The following ARHGEF3 variants were observed in gnomAD, a reference collection of about 807,000 sequenced individuals.
The protein encoded by ARHGEF3 is 59.8 kDA protein.
A neutral mutation model predicts 63.2 loss-of-function variants in ARHGEF3; 28 were observed. The observed-to-expected ratio is 0.44, with a 90% CI of 0.33 to 0.61. The LOEUF (loss-of-function observed/expected upper bound fraction) is 0.61, where lower values mean the gene tolerates loss of function less well. Among genes scored for constraint, ARHGEF3 ranks in the 20% least tolerant of loss-of-function variants. The pLI is 0.03. For missense variants in ARHGEF3, 533 were observed against 659.3 expected (o/e 0.81, Z 2.10); for synonymous variants, 266 against 254.2 (o/e 1.05, Z -0.44).
intron 2 of ARHGEF3, among the ~76,000 whole-genome samples, chr3:56,989,004 A>G (rs1701644142): frequency 6.6e-6 from 1 of 152,124 alleles, no homozygotes; most frequent in South Asian, 2.1e-4. Context: ...GCTGGAAGAC[A>G]ATTTTTTCCA....
chr3:56,777,438 G>A (rs1216065420), intron 1 of ARHGEF3, among the ~76,000 whole-genome samples: 1 of 152,166 alleles, frequency 6.6e-6, no homozygotes, highest in Admixed American at 6.5e-5. Context: ...AAAACACTAT[G>A]CAATTTTATT....
intron 1 of ARHGEF3, among the ~76,000 whole-genome samples, chr3:57,068,331 G>A (rs541926903): frequency 2.0e-5 from 3 of 152,018 alleles, no homozygotes; most frequent in Non-Finnish European, 2.9e-5. Context: ...AAGGTAATAC[G>A]TTCATTTTCT....
intron 3 of ARHGEF3, among the ~76,000 whole-genome samples, chr3:56,921,074 A>G (rs2042124307): frequency 6.6e-6 from 1 of 150,564 alleles, no homozygotes; most frequent in Non-Finnish European, 1.5e-5. Flanking sequence ...AAAAAAAAAA[A>G]AAACTCATGG....
chr3:56,952,950 G>A (rs1699878062), intron 3 of ARHGEF3, among the ~76,000 whole-genome samples: 1 of 152,150 alleles, frequency 6.6e-6, no homozygotes, highest in African/African-American at 2.4e-5. Context: ...CTAACGGCCT[G>A]GGAACAGAAA....
chr3:57,002,485 ATATATATATATGT>A (rs1368482345), intron 2 of ARHGEF3, among the ~76,000 whole-genome samples: 1,328 of 45,020 alleles, frequency 0.029, 131 homozygotes, highest in East Asian at 0.15. Context: ...TATGTTATAT[ATATATATATATGT>A]TATATATATA....
In ARHGEF3 at chr3:57,002,718, A is replaced by G. The variant is rs1173497825; in HGVS notation, c.62+32370T>C. Among the ~76,000 whole-genome samples, 5 of 148,440 alleles carry G rather than the reference A, an allele frequency of 3.4e-5. No individual in the cohort carries two copies. The East Asian group carries it at 9.9e-4, about 29-fold the overall frequency. ...GGAATTAAGCCTAGTACCTATTGCT[A>G]TTTAGCACTTCATATATTATTTCAA... On this transcript the variant is annotated intron_variant, in intron 2 of 12. Coordinates refer to the ARHGEF3 transcript ENST00000338458.
intron 3 of ARHGEF3, among the ~76,000 whole-genome samples, chr3:56,922,581 C>T (rs553300159): frequency 2.6e-5 from 4 of 152,030 alleles, no homozygotes; most frequent in Non-Finnish European, 2.9e-5. Flanking sequence ...CTTGACACAC[C>T]GAATTTCCAA....
chr3:57,033,407 T>C (rs1217869934), intron 2 of ARHGEF3, among the ~76,000 whole-genome samples: 110 of 143,790 alleles, frequency 7.7e-4, no homozygotes, highest in Non-Finnish European at 2.5e-4. Flanking sequence ...ACTATTCACT[T>C]GGCTGCAGTA....
intron 1 of ARHGEF3, chr3:57,074,639 T>C (rs1706125705): frequency 4.7e-6 from 1 of 213,318 alleles, no homozygotes; most frequent in African/African-American, 2.3e-5. Flanking sequence ...TTCATCTCTT[T>C]ATTGTTTCTA....
chr3:56,945,521 T>G (rs1299195140), intron 3 of ARHGEF3, among the ~76,000 whole-genome samples: 1 of 152,068 alleles, frequency 6.6e-6, no homozygotes, highest in Non-Finnish European at 1.5e-5. Context: ...CGCTCATTGC[T>G]AGCACAGCAG....
Position 56,874,298 on chromosome 3 carries a change from T to C in ARHGEF3, c.192+7994A>G, listed in dbSNP as rs960395950. On this transcript the variant is annotated intron_variant, in intron 4 of 12. Transcript: ENST00000338458. ...TAAGCATGTGTTAATGAAGACCCAA[T>C]CTCAGCTAGAGGCCTGGTCTCCTCG... 3.3e-5 allele frequency among the ~76,000 whole-genome samples: 5 copies of C among 152,092 alleles called. No homozygotes were observed. The East Asian group carries it at 9.6e-4, about 29-fold the overall frequency.
chr3:56,975,816 C>A, intron 2 of ARHGEF3: 1 of 421,230 alleles, frequency 2.4e-6, no homozygotes, highest in Admixed American at 3.1e-5. Context: ...TGAAGTATAA[C>A]AGGACTTAAA....
intron 1 of ARHGEF3, among the ~76,000 whole-genome samples, chr3:57,068,649 C>T (rs1705699721): frequency 6.6e-6 from 1 of 152,186 alleles, no homozygotes; most frequent in Non-Finnish European, 1.5e-5. Flanking sequence ...CAGTCCTCCC[C>T]ACCCCCTTGG....
intron 4 of ARHGEF3, among the ~76,000 whole-genome samples, chr3:56,872,441 C>A (rs1205126468): frequency 6.6e-6 from 1 of 152,032 alleles, no homozygotes; most frequent in East Asian, 1.9e-4. Flanking sequence ...TTCGGATATT[C>A]ATGCTGTTTC....
intron 3 of ARHGEF3, among the ~76,000 whole-genome samples, chr3:56,945,459 C>T (rs1423847958): frequency 6.6e-6 from 1 of 152,154 alleles, no homozygotes; most frequent in African/African-American, 2.4e-5. Flanking sequence ...AATGGCACAC[C>T]AGGAGATTAT....
At chr3:57,008,541 A>G in intron 2 of ARHGEF3, among the ~76,000 whole-genome samples, 1 of 151,782 alleles carries the variant, frequency 6.6e-6, no homozygotes, top group East Asian at 1.9e-4. Flanking sequence ...CAGTAGCGTG[A>G]TCTTGGCTCA....
intron 3 of ARHGEF3, among the ~76,000 whole-genome samples, chr3:56,919,700 A>G (rs928687831): frequency 3.9e-4 from 59 of 152,208 alleles, no homozygotes; most frequent in African/African-American, 1.3e-3. Context: ...CACAGCGACT[A>G]AGGATTTTTT....
chr3:57,073,527 C>G, intron 1 of ARHGEF3: 1 of 1,161,258 alleles, frequency 8.6e-7, no homozygotes, highest in Non-Finnish European at 1.2e-6. Context: ...TGGGGTTTGG[C>G]TCTGTTTGAG....
intron 2 of ARHGEF3, among the ~76,000 whole-genome samples, chr3:57,016,610 T>C (rs966853584): frequency 6.6e-6 from 1 of 152,174 alleles, no homozygotes; most frequent in African/African-American, 2.4e-5. Context: ...AATGTTTTAT[T>C]ATTTTAAAGA....
Sources: gnomAD v4.1 joint callset for allele counts (sites outside exome capture counted in the v4.1 genomes callset) on GRCh38, gnomAD v4.1.1 for gene constraint, MANE v1.5 for transcripts, NCBI Gene and HGNC (gene_info 2026-07-23, HGNC 2026-07-21) for gene names.